CACNA1B: variants seen among roughly 807,000 people sequenced by gnomAD.
CACNA1B encodes voltage-dependent N-type calcium channel subunit alpha-1B.
CACNA1B carries 70 observed loss-of-function variants against 247.2 expected under a neutral mutation model. The observed-to-expected ratio is 0.28, with a 90% CI of 0.23 to 0.35. The LOEUF (loss-of-function observed/expected upper bound fraction) is 0.35, where lower values mean the gene tolerates loss of function less well. Ranked by LOEUF, CACNA1B falls within the 10% of genes least tolerant of loss-of-function variation. The probability of loss-of-function intolerance (pLI) is 1.00; values close to 1 mark genes in which losing one functional copy is unlikely to be tolerated. For synonymous variants in CACNA1B, 1,231 were observed against 1,294.4 expected, an observed-to-expected ratio of 0.95 and a Z score of 1.05; for missense variants, 2,367 against 3,197.4, an observed-to-expected ratio of 0.74 and a Z score of 6.26.
intron 20 of CACNA1B, among the ~76,000 whole-genome samples, chr9:138,030,976 T>C (rs1277789185): frequency 6.6e-6 from 1 of 152,174 alleles, no homozygotes; most frequent in Non-Finnish European, 1.5e-5. Context: ...TATAATTTTA[T>C]TGATGTTTTC....
intron 6 of CACNA1B, among the ~76,000 whole-genome samples, chr9:137,939,308 A>G (rs1017669386): frequency 3.9e-5 from 6 of 152,218 alleles, no homozygotes; most frequent in Non-Finnish European, 7.3e-5. Context: ...AAACCATATA[A>G]ATAGGCCACA....
At chr9:138,021,898 C>T (rs1958849760) in intron 18 of CACNA1B, among the ~76,000 whole-genome samples, 1 of 152,258 alleles carries the variant, frequency 6.6e-6, no homozygotes, top group Non-Finnish European at 1.5e-5. Context: ...ATCCAGCAGC[C>T]TTGGAGGCTC....
chr9:138,064,918 A>G (rs1959862410), intron 31 of CACNA1B, among the ~76,000 whole-genome samples: 1 of 152,210 alleles, frequency 6.6e-6, no homozygotes, highest in South Asian at 2.1e-4. Context: ...AAACGCTCTG[A>G]GAAGCTGGTT....
chr9:137,999,492 A>G (rs76743444), intron 15 of CACNA1B, among the ~76,000 whole-genome samples: 4 of 149,552 alleles, frequency 2.7e-5, no homozygotes, highest in African/African-American at 4.9e-5. Flanking sequence ...CAGTTATCAG[A>G]AAAAAAAAAG....
intron 6 of CACNA1B, among the ~76,000 whole-genome samples, chr9:137,937,947 C>CA (rs57680122): frequency 0.028 from 613 of 21,922 alleles, 65 homozygotes; most frequent in Non-Finnish European, 0.036. Flanking sequence ...AACTCTGTCT[C>CA]AAAAAAAAAA....
intron 12 of CACNA1B, among the ~76,000 whole-genome samples, chr9:137,983,887 G>T (rs1224660215): frequency 1.7e-5 from 2 of 120,728 alleles, no homozygotes; most frequent in Non-Finnish European, 1.6e-5. Flanking sequence ...TGTCCTCCTG[G>T]TGTGTCTGGG....
intron 10 of CACNA1B, among the ~76,000 whole-genome samples, chr9:137,960,222 CGG>C (rs1957998318): frequency 2.6e-4 from 3 of 11,556 alleles, no homozygotes; most frequent in Admixed American, 1.0e-3. Flanking sequence ...GAAGGTCGGC[CGG>C]AGGGAAGCCG....
chr9:138,095,220 T>TA (rs1469131544), intron 36 of CACNA1B, among the ~76,000 whole-genome samples: 3 of 152,352 alleles, frequency 2.0e-5, no homozygotes, highest in South Asian at 4.1e-4. Flanking sequence ...AATAAGGGGT[T>TA]AATATTCAGC....
At position 137,996,368 on chromosome 9, in the gene CACNA1B, G is replaced by T. The variant is rs1341233992; in HGVS notation, c.1974+9514G>T. ...GAAATAATGGCATTTGCAACAACGT[G>T]GATGGAATCGGAGGCTACTATTGTA... On this transcript the variant is annotated intron_variant, in intron 15 of 46. Coordinates refer to ENST00000371372, the MANE Select transcript of CACNA1B (RefSeq NM_000718.4). Among the ~76,000 whole-genome samples, 4 of 152,290 alleles carry T rather than the reference G, an allele frequency of 2.6e-5. No individual in the cohort carries two copies. In the South Asian group the frequency reaches 8.3e-4, roughly 32 times the overall value.
At chr9:138,039,876 T>A (rs1394910450) in intron 20 of CACNA1B, among the ~76,000 whole-genome samples, 1 of 152,236 alleles carries the variant, frequency 6.6e-6, no homozygotes, top group African/African-American at 2.4e-5. Flanking sequence ...TTAGTTGTAT[T>A]ACTCAAATAT....
intron 22 of CACNA1B, 39 bp from the exon 23 acceptor site, chr9:138,047,360 C>T: frequency 1.3e-6 from 2 of 1,516,686 alleles, no homozygotes; most frequent in Non-Finnish European, 1.8e-6. Flanking sequence ...GCTCAGATTT[C>T]AGCCCAGCCT....
chr9:137,967,923 G>GCCC (rs1958100179), intron 10 of CACNA1B, among the ~76,000 whole-genome samples: 1 of 152,170 alleles, frequency 6.6e-6, no homozygotes, highest in Admixed American at 6.5e-5. Flanking sequence ...GTCAGTCCAT[G>GCCC]CCCTCTTCCT....
intron 15 of CACNA1B, among the ~76,000 whole-genome samples, chr9:137,998,829 T>C (rs919105844): frequency 4.6e-5 from 7 of 152,212 alleles, no homozygotes; most frequent in South Asian, 2.1e-4. Context: ...ATTTATAACA[T>C]GTCTCTGTCA....
chr9:138,124,099 CATT>C lies in CACNA1B; in HGVS notation c.*2103_*2105del, dbSNP rs1331685773. ...AACTACAGGGAGCGGGGAAAGGAGA[CATT>C]ATGTCTTGTTTTCCTGACTTTGGGT... On this transcript the variant is annotated 3_prime_UTR_variant, in exon 47 of 47. Coordinates refer to ENST00000371372, the MANE Select transcript of CACNA1B (RefSeq NM_000718.4). 3 of 152,144 alleles carry C rather than the reference CATT, an allele frequency of 2.0e-5. No individual in the cohort carries two copies. The East Asian group carries it at 5.8e-4, about 29-fold the overall frequency. The allele number at this position is 152,144 out of a possible 1,614,324, so 9.4% of individuals were successfully genotyped here. A position where few individuals can be genotyped will look rare whatever the true frequency, so the allele number is the denominator to read the frequency against.
At chr9:138,021,294 C>T (rs1166581813) in intron 18 of CACNA1B, among the ~76,000 whole-genome samples, 1 of 152,154 alleles carries the variant, frequency 6.6e-6, no homozygotes, top group Non-Finnish European at 1.5e-5. Flanking sequence ...GCAGACGGCC[C>T]CTACAGGTAG....
intron 6 of CACNA1B, among the ~76,000 whole-genome samples, chr9:137,930,066 G>T (rs961845021): frequency 2.6e-5 from 4 of 152,086 alleles, no homozygotes; most frequent in African/African-American, 9.7e-5. Flanking sequence ...CAAAGCTCTG[G>T]GATTACAGGC....
chr9:138,047,503 C>T (rs201422765), intron 23 of CACNA1B, 45 bp downstream of exon 23: 1 of 1,386,304 alleles, frequency 7.2e-7, no homozygotes, highest in South Asian at 1.2e-5. Flanking sequence ...TTTGCTCTCC[C>T]TCCCTCATGA....
At chr9:138,099,825 T>C (rs1961194168) in intron 37 of CACNA1B, among the ~76,000 whole-genome samples, 1 of 152,242 alleles carries the variant, frequency 6.6e-6, no homozygotes, top group Non-Finnish European at 1.5e-5. Flanking sequence ...TTGTTGTTGC[T>C]TCAACCCTGT....
At chr9:138,087,045 A>T (rs1346321893) in intron 36 of CACNA1B, among the ~76,000 whole-genome samples, 1 of 151,280 alleles carries the variant, frequency 6.6e-6, no homozygotes, top group Non-Finnish European at 1.5e-5. Flanking sequence ...ATGAAAATTA[A>T]CATTCTCCTG....
Sources: allele counts gnomAD v4.1 joint callset (sites outside exome capture counted in the v4.1 genomes callset), GRCh38; gene constraint gnomAD v4.1.1; transcripts MANE v1.5; gene names NCBI Gene and HGNC (gene_info 2026-07-23, HGNC 2026-07-21).